Variants in BICD2 observed in about 807,000 individuals in gnomAD.
BICD2 encodes protein bicaudal D homolog 2.
BICD2 carries 25 observed loss-of-function variants against 72.9 expected under a neutral mutation model. The observed-to-expected ratio is 0.34, with a 90% CI of 0.25 to 0.48. BICD2 has a LOEUF of 0.48. Among genes scored for constraint, BICD2 ranks in the 20% least tolerant of loss-of-function variants. BICD2 has a pLI of 0.99. For missense variants in BICD2, 894 were observed against 1,175.2 expected (o/e 0.76, Z 3.50); for synonymous variants, 501 against 516.1 (o/e 0.97, Z 0.40).
intron 1 of BICD2, among the ~76,000 whole-genome samples, chr9:92,738,819 A>G (rs1399092016): frequency 6.6e-6 from 1 of 152,264 alleles, no homozygotes; most frequent in Non-Finnish European, 1.5e-5. Context: ...TTGCCAAGCC[A>G]GGAGAGCCAG....
rs965805341 is a variant in BICD2, at chr9:92,728,969, G to A, written c.453+55C>T. 4 of 1,577,174 alleles carry A rather than the reference G, an allele frequency of 2.5e-6. No homozygotes were observed. In the East Asian group the frequency reaches 9.1e-5, roughly 36 times the overall value. On this transcript the variant is annotated intron_variant, in intron 2 of 6. Transcript: ENST00000356884. ...GCCACCCACCAGGCACACCTGCTAT[G>A]TGACACTGGTGGCACTGCTGCAGCC...
rs2131500414 is a variant in BICD2 at position 92,718,993 on chromosome 9, C to T, written c.1652G>A (p.Arg551His). Residue 551 changes from arginine (R) to histidine (H), a missense_variant, in exon 5 of 7, where the codon CGT becomes CAT. Transcript: ENST00000356884. Reference sequence around the variant, plus strand: ...CTCGCGGTAGTAGTCCAGCATGACACGGTTGGGTGTCTCATTGTTGCACAT... The same window carrying T: ...CTCGCGGTAGTAGTCCAGCATGACATGGTTGGGTGTCTCATTGTTGCACAT... Reference protein sequence around the residue: ...VCMCNNETPNRVMLDYYREGQ... With the variant: ...VCMCNNETPNHVMLDYYREGQ... 1.2e-6 allele frequency: 2 copies of T among 1,611,576 alleles called. No homozygotes were observed. Among genetic ancestry groups the T allele is most frequent in the Non-Finnish European group, 1.7e-6 (2 of 1,179,934 alleles).
chr9:92,720,189 C>A lies in BICD2; in HGVS notation c.1062+111G>T. The A allele has an allele frequency of 9.1e-7, 1 of 1,098,894 alleles. No homozygotes were observed. The highest frequency in any genetic ancestry group is 1.6e-5 in the South Asian group (1 of 61,466). 68.1% of individuals were successfully genotyped at this position (1,098,894 alleles called of 1,614,324 possible). On this transcript the variant is annotated intron_variant, in intron 4 of 6. Transcript: ENST00000356884. The surrounding 1 kb of genome is among the most constrained non-coding windows in gnomAD (Gnocchi z 5.4). ...GTAATGATGCAGGAGATAAAATCAA[C>A]GTAAGGAAAAGGGAAAGTTAACATC...
intron 1 of BICD2, among the ~76,000 whole-genome samples, chr9:92,743,697 C>T (rs1441722150): frequency 6.6e-6 from 1 of 152,122 alleles, no homozygotes; most frequent in Non-Finnish European, 1.5e-5. Context: ...GCCATCTCTG[C>T]CTGCTCCATG....
intron 1 of BICD2, among the ~76,000 whole-genome samples, chr9:92,759,681 A>G (rs555000519): frequency 2.6e-5 from 4 of 152,352 alleles, no homozygotes; most frequent in African/African-American, 9.6e-5. Context: ...GTCTAAGGCC[A>G]ATGCTTTACC....
In BICD2 at chr9:92,764,382, C is replaced by CCCGGCGGCCCACCCCTG; in HGVS notation, c.240+106_240+122dup. On this transcript the variant is annotated intron_variant, in intron 1 of 6. Coordinates refer to ENST00000356884, the MANE Select transcript of BICD2 (RefSeq NM_001003800.2). This position sits in a 1 kb window ranked among gnomAD's most constrained non-coding sequence, Gnocchi z 5.5. ...CACATACTGCCCGTGCCCCCTCCGC[C>CCCGGCGGCCCACCCCTG]CCGGCGGCCCACCCCTGCCGGCCCC... 2 of 1,308,272 alleles carry CCCGGCGGCCCACCCCTG rather than the reference C, an allele frequency of 1.5e-6. No individual in the cohort carries two copies. The highest frequency in any genetic ancestry group is 2.0e-6 in the Non-Finnish European group (2 of 1,019,004). 81.0% of individuals were successfully genotyped at this position (1,308,272 alleles called of 1,614,324 possible). A position where few individuals can be genotyped will look rare whatever the true frequency, so the allele number is the denominator to read the frequency against.
intron 2 of BICD2, among the ~76,000 whole-genome samples, chr9:92,728,440 G>A (rs1853609821): frequency 6.6e-6 from 1 of 152,338 alleles, no homozygotes; most frequent in Admixed American, 6.5e-5. Context: ...ACTCCAACAG[G>A]CTCTGGTGCC....
At position 92,720,489 on chromosome 9, in the gene BICD2, C is replaced by T. The variant is rs1430942149; in HGVS notation, c.873G>A (p.Glu291=). The T allele has an allele frequency of 1.2e-6, 2 of 1,614,230 alleles. No individual in the cohort carries two copies. The highest frequency in any genetic ancestry group is 4.5e-5 in the East Asian group (2 of 44,892). The change falls in exon 4 of 7, where the codon GAG becomes GAA. Residue 291 remains glutamate, a synonymous_variant. Transcript: ENST00000356884. This position sits in a 1 kb window ranked among gnomAD's most constrained non-coding sequence, Gnocchi z 5.4. ...CCAGGGCCTCGGCATCGTTGTTGGG[C>T]TCGGCAGCATCGTCACTGAACTTGA... The part of the protein sequence containing the change: ...DGLKFSDDAA[E]PNNDAEALVN...
chr9:92,716,899 G>A (rs1027735226), intron 6 of BICD2, among the ~76,000 whole-genome samples: 1 of 152,202 alleles, frequency 6.6e-6, no homozygotes, highest in African/African-American at 2.4e-5. Flanking sequence ...GAGGAAGAAA[G>A]AAAGCTGGTC....
intron 1 of BICD2, among the ~76,000 whole-genome samples, chr9:92,749,220 C>T (rs950200323): frequency 2.0e-5 from 3 of 152,136 alleles, no homozygotes; most frequent in Admixed American, 1.3e-4. Flanking sequence ...GGCCAGGAGG[C>T]AGCGCCCGCC....
intron 1 of BICD2, among the ~76,000 whole-genome samples, chr9:92,742,327 T>C (rs1468312539): frequency 1.3e-5 from 2 of 152,166 alleles, no homozygotes; most frequent in Non-Finnish European, 2.9e-5. Context: ...CATTCAGTGG[T>C]TTTTAGTACA....
chr9:92,760,415 G>C (rs1246127528), intron 1 of BICD2, among the ~76,000 whole-genome samples: 1 of 152,184 alleles, frequency 6.6e-6, no homozygotes, highest in Non-Finnish European at 1.5e-5. Context: ...GGGCTGGGCA[G>C]ATTCCCTGGC....
chr9:92,715,505 A>C, intron 6 of BICD2, 42 bp from the exon 7 acceptor site: 1 of 1,545,584 alleles, frequency 6.5e-7, no homozygotes, highest in Non-Finnish European at 8.8e-7. Context: ...GGCAGAGCCG[A>C]GCAGAGGAGG....
chr9:92,715,512 GAGGGC>G (rs759968141), intron 6 of BICD2, 49 bp from the exon 7 acceptor site: 6 of 1,539,780 alleles, frequency 3.9e-6, no homozygotes, highest in African/African-American at 2.7e-5. Flanking sequence ...CCGAGCAGAG[GAGGGC>G]AGGGCAGGGC....
Position 92,719,419 on chromosome 9 carries a change from G to A in BICD2, c.1226C>T (p.Ala409Val), listed in dbSNP as rs750379347. 1.9e-6 allele frequency: 3 copies of A among 1,614,162 alleles called. No homozygotes were observed. Among genetic ancestry groups the A allele is most frequent in the African/African-American group, 1.3e-5 (1 of 75,062 alleles). Residue 409 changes from alanine to valine, a missense_variant, in exon 5 of 7, where the codon GCC becomes GTC. This residue lies in a region of BICD2 where 371 missense variants were observed against 439.1 expected (regional missense o/e 0.84). Coordinates refer to ENST00000356884, the MANE Select transcript of BICD2 (RefSeq NM_001003800.2). ...GTCACGGTCCTTCTCGTTGTCCAGGGCTGTCTGCCGCTCCTTGCTGGCCTG... is the reference window on the plus strand; with the variant it reads ...GTCACGGTCCTTCTCGTTGTCCAGGACTGTCTGCCGCTCCTTGCTGGCCTG... ...RLQASKERQT[A>V]LDNEKDRDSH...
In BICD2 at chr9:92,718,512, A is replaced by G. The variant is rs1564059409; in HGVS notation, c.2106+27T>C. On this transcript the variant is annotated intron_variant, in intron 5 of 6. Coordinates refer to ENST00000356884, the MANE Select transcript of BICD2 (RefSeq NM_001003800.2). ...CACCCTTAGGCCAGTAGTAGGTGACATGTGCCCCTGCTGCCTGGCACCTCA... is the reference window on the plus strand; with the variant it reads ...CACCCTTAGGCCAGTAGTAGGTGACGTGTGCCCCTGCTGCCTGGCACCTCA... 4 of 1,587,982 alleles carry G rather than the reference A, an allele frequency of 2.5e-6. No individual in the cohort carries two copies. The Admixed American group carries it at 6.8e-5, about 27-fold the overall frequency.
chr9:92,722,883 G>T, intron 2 of BICD2, 75 bp from the exon 3 acceptor site: 1 of 1,559,236 alleles, frequency 6.4e-7, no homozygotes, highest in Non-Finnish European at 8.8e-7. Context: ...AGCCAGGCAC[G>T]CCATGGCCAG....
At chr9:92,736,171 G>C (rs1853783837) in intron 1 of BICD2, among the ~76,000 whole-genome samples, 1 of 152,214 alleles carries the variant, frequency 6.6e-6, no homozygotes, top group South Asian at 2.1e-4. Context: ...ACAGGCTGCA[G>C]TAATTACTGA....
Position 92,713,591 on chromosome 9 carries a change from G to A in BICD2, c.*1563C>T, listed in dbSNP as rs562433418. The A allele has an allele frequency of 1.4e-5, 22 of 1,533,780 alleles. No homozygotes were observed. The African/African-American group carries it at 2.5e-4, about 17-fold the overall frequency. On this transcript the variant is annotated 3_prime_UTR_variant, in exon 7 of 7. Coordinates refer to ENST00000356884, the MANE Select transcript of BICD2 (RefSeq NM_001003800.2). ...TTGGCAGAAGAGAAGACCTGCATGT[G>A]TTAGCAGGGGTCCCAGTGGCTTGGG...
Sources: allele counts gnomAD v4.1 joint callset (sites outside exome capture counted in the v4.1 genomes callset), GRCh38; gene constraint gnomAD v4.1.1; regional missense constraint gnomAD v4.1.1; non-coding constraint Gnocchi (gnomAD v3.1); transcripts MANE v1.5; gene names NCBI Gene and HGNC (gene_info 2026-07-23, HGNC 2026-07-21).